Variants in LRP8 observed in about 807,000 individuals in gnomAD.
The protein encoded by LRP8 is low-density lipoprotein receptor-related protein 8.
LRP8 carries 46 observed loss-of-function variants against 111.6 expected under a neutral mutation model. The observed-to-expected ratio is 0.41, with a 90% confidence interval of 0.33 to 0.53. The LOEUF is 0.53. Ranked by LOEUF, LRP8 falls within the 20% of genes least tolerant of loss-of-function variation. LRP8 has a pLI of 0.20. For missense variants in LRP8, 959 were observed against 1,297.4 expected (o/e 0.74, Z 4.01); for synonymous variants, 464 against 511.2 (o/e 0.91, Z 1.24).
At chr1:53,302,856 A>ATTTTTTTTT (rs769628078) in intron 2 of LRP8, among the ~76,000 whole-genome samples, 38,430 of 121,722 alleles carry the variant, frequency 0.32, 5,832 homozygotes, top group East Asian at 0.56. Flanking sequence ...CACCCAGCTA[A>ATTTTTTTTT]TTTTTTTTTT....
At chr1:53,288,367 C>T (rs1463989305) in intron 3 of LRP8, 1 of 152,230 alleles carries the variant, frequency 6.6e-6, no homozygotes, top group Admixed American at 6.5e-5. Flanking sequence ...AAGCTCAGGA[C>T]AAAGCACTGG....
chr1:53,312,637 G>A (rs1270886201), intron 2 of LRP8, among the ~76,000 whole-genome samples: 1 of 152,056 alleles, frequency 6.6e-6, no homozygotes, highest in African/African-American at 2.4e-5. Flanking sequence ...GGGATTATAG[G>A]TGTGAGCCAC....
intron 9 of LRP8, among the ~76,000 whole-genome samples, chr1:53,264,703 C>T (rs938809002): frequency 6.6e-6 from 1 of 152,146 alleles, no homozygotes; most frequent in Non-Finnish European, 1.5e-5. Context: ...ATGGAGACTG[C>T]CTCATCCGAG....
rs773278967 is a variant in LRP8 at position 53,255,102 on chromosome 1, G to C, written c.2503+15C>G. Reference sequence around the variant, plus strand: ...GGTCTCTCTTTTCTCTTCAGTGACTGGGGGCCACACTCACCTATGGGCACG... The same window carrying C: ...GGTCTCTCTTTTCTCTTCAGTGACTCGGGGCCACACTCACCTATGGGCACG... On this transcript the variant is annotated intron_variant, in intron 16 of 18. Coordinates refer to ENST00000306052, the MANE Select transcript of LRP8 (RefSeq NM_004631.5). The C allele has an allele frequency of 8.7e-6, 14 of 1,612,172 alleles. No individual in the cohort carries two copies. Among genetic ancestry groups the C allele is most frequent in the Admixed American group, 1.7e-5 (1 of 59,992 alleles).
chr1:53,299,194 C>T (rs962126170), intron 2 of LRP8, among the ~76,000 whole-genome samples: 1 of 152,170 alleles, frequency 6.6e-6, no homozygotes, highest in East Asian at 1.9e-4. Flanking sequence ...TCAGTGATGA[C>T]CCCTGCCTGT....
At chr1:53,312,795 G>A (rs1405569835) in intron 2 of LRP8, among the ~76,000 whole-genome samples, 1 of 152,170 alleles carries the variant, frequency 6.6e-6, no homozygotes, top group African/African-American at 2.4e-5. Flanking sequence ...GTCCCAGTTT[G>A]CTCACAACTG....
At chr1:53,308,272 CAG>C (rs573818776) in intron 2 of LRP8, among the ~76,000 whole-genome samples, 263 of 152,346 alleles carry the variant, frequency 1.7e-3, no homozygotes, top group African/African-American at 5.7e-3. Context: ...ACAGAGCTAC[CAG>C]AGAGTTAGTG....
At chr1:53,314,345 C>T (rs1011817438) in intron 2 of LRP8, among the ~76,000 whole-genome samples, 5 of 152,322 alleles carry the variant, frequency 3.3e-5, no homozygotes, top group South Asian at 2.1e-4. Context: ...ATAGAGCCTG[C>T]GAATGTGCAC....
intron 2 of LRP8, among the ~76,000 whole-genome samples, chr1:53,296,605 G>C (rs762191504): frequency 9.2e-5 from 14 of 152,204 alleles, no homozygotes; most frequent in Non-Finnish European, 1.8e-4. Flanking sequence ...GTGCCAGCCC[G>C]CCCCTGGCCT....
chr1:53,291,964 A>G (rs1224280447), intron 2 of LRP8: 1 of 152,200 alleles, frequency 6.6e-6, no homozygotes, highest in Non-Finnish European at 1.5e-5. Context: ...AGCTTGGGGT[A>G]GGTCTCAGTG....
intron 6 of LRP8, among the ~76,000 whole-genome samples, chr1:53,273,793 G>T (rs1284198171): frequency 6.6e-6 from 1 of 152,124 alleles, no homozygotes; most frequent in Non-Finnish European, 1.5e-5. Context: ...AAAAGGGGAA[G>T]GAAATATGCT....
intron 2 of LRP8, chr1:53,304,443 C>T (rs1359047998): frequency 1.3e-5 from 2 of 152,420 alleles, no homozygotes; most frequent in East Asian, 3.9e-4. Context: ...CCAGCAGCCT[C>T]CCCTCACCTG....
intron 2 of LRP8, among the ~76,000 whole-genome samples, chr1:53,314,996 T>C (rs1007125088): frequency 6.6e-6 from 1 of 152,162 alleles, no homozygotes; most frequent in Non-Finnish European, 1.5e-5. Flanking sequence ...TGGCTGACCA[T>C]GCACCATGTC....
intron 14 of LRP8, 34 bp downstream of exon 14, chr1:53,258,285 G>A: frequency 6.2e-7 from 1 of 1,603,088 alleles, no homozygotes; most frequent in Non-Finnish European, 8.5e-7. Context: ...GTCTGACACT[G>A]CCAGGGGCCA....
chr1:53,249,155 C>T lies in LRP8; in HGVS notation c.2853+225G>A, dbSNP rs1336771138. Among the ~76,000 whole-genome samples the T allele has an allele frequency of 6.6e-6, 1 of 152,234 alleles. No homozygotes were observed. The highest frequency in any genetic ancestry group is 1.5e-5 in the Non-Finnish European group (1 of 68,042). On this transcript the variant is annotated intron_variant, in intron 18 of 18. Coordinates refer to ENST00000306052, the MANE Select transcript of LRP8 (RefSeq NM_004631.5). The surrounding 1 kb of genome is among the most constrained non-coding windows in gnomAD (Gnocchi z 4.1). ...ATTTCCCATGTCTCCCCTTCATGAA[C>T]AGTTTGCCTCAGCAGCAATTCTGTC... is the stretch of plus-strand genomic sequence containing the variant.
intron 2 of LRP8, 28 bp downstream of exon 2, chr1:53,326,845 G>A (rs1341138276): frequency 6.2e-7 from 1 of 1,608,552 alleles, no homozygotes; most frequent in Admixed American, 1.7e-5. Flanking sequence ...TCTCTCCCCG[G>A]GTCTGAGCTC....
chr1:53,276,848 CGG>C lies in LRP8; in HGVS notation c.725_726del (p.Ala242GlyfsTer87). 2 of 1,319,554 alleles carry C rather than the reference CGG, an allele frequency of 1.5e-6. No individual in the cohort carries two copies. Among genetic ancestry groups the C allele is most frequent in the South Asian group, 3.2e-5 (2 of 62,202 alleles). 81.7% of individuals were successfully genotyped at this position (1,319,554 alleles called of 1,614,324 possible). ...FDCEDRSDEAAELCGRPGPGA... is the reference protein window; with the variant it reads ...FDCEDRSDEAXELCGRPGPGA... ...CCGGGGCCCGGACGGCCGCAGAGCT[CGG>C]CTGCCTCGTCCGAGCGGTCCTCGCA... On this transcript the variant is annotated frameshift_variant, in exon 5 of 19. Coordinates refer to ENST00000306052, the MANE Select transcript of LRP8 (RefSeq NM_004631.5). LOFTEE classifies it high-confidence loss of function.
intron 15 of LRP8, among the ~76,000 whole-genome samples, chr1:53,255,387 C>T (rs1646047073): frequency 6.6e-6 from 1 of 152,156 alleles, no homozygotes; most frequent in South Asian, 2.1e-4. Context: ...CTCCATTTTA[C>T]AGGCAAGGAA....
intron 15 of LRP8, among the ~76,000 whole-genome samples, chr1:53,256,352 G>A (rs1200487024): frequency 1.3e-5 from 2 of 152,232 alleles, no homozygotes; most frequent in South Asian, 4.1e-4. Context: ...GGGCCACAGC[G>A]AACACTGGAC....
Sources: allele counts gnomAD v4.1 joint callset (sites outside exome capture counted in the v4.1 genomes callset), GRCh38; gene constraint gnomAD v4.1.1; non-coding constraint Gnocchi (gnomAD v3.1); transcripts MANE v1.5; gene names NCBI Gene and HGNC (gene_info 2026-07-23, HGNC 2026-07-21).